PPP4R1: variants seen among roughly 807,000 people sequenced by gnomAD.
The protein encoded by PPP4R1 is serine/threonine-protein phosphatase 4 regulatory subunit 1.
PPP4R1 carries 42 observed loss-of-function variants against 111.2 expected under a neutral mutation model. The observed-to-expected ratio is 0.38, with a 90% CI of 0.29 to 0.49. The LOEUF (loss-of-function observed/expected upper bound fraction) is 0.49, where lower values mean the gene tolerates loss of function less well. Ranked by LOEUF, PPP4R1 falls within the 20% of genes least tolerant of loss-of-function variation. The pLI, the probability that PPP4R1 is intolerant of heterozygous loss-of-function variation, is 0.97. For synonymous variants in PPP4R1, 409 were observed against 405.5 expected (o/e 1.01, Z -0.10); for missense variants, 1,012 against 1,161.6 (o/e 0.87, Z 1.87).
At chr18:9,570,719 T>C in intron 10 of PPP4R1, 36 bp from the exon 11 acceptor site, 1 of 1,495,962 alleles carries the variant, frequency 6.7e-7, no homozygotes, top group African/African-American at 1.4e-5. Flanking sequence ...AAAAACAATA[T>C]GAAAGGATAA....
intron 9 of PPP4R1, among the ~76,000 whole-genome samples, chr18:9,579,693 C>G (rs1275996830): frequency 3.3e-5 from 5 of 152,188 alleles, no homozygotes; most frequent in African/African-American, 1.2e-4. Flanking sequence ...TGAACAAGTA[C>G]AGACTTTTTT....
In PPP4R1 at chr18:9,563,229, A is replaced by C. The variant is rs931170508; in HGVS notation, c.1746+149T>G. 15 of 1,237,552 alleles carry C rather than the reference A, an allele frequency of 1.2e-5. No homozygotes were observed. The African/African-American group carries it at 1.8e-4, about 15-fold the overall frequency. The allele number at this position is 1,237,552 out of a possible 1,614,324, so 76.7% of individuals were successfully genotyped here. Reference sequence around the variant, plus strand: ...ATGTCACGAGGACAGGATGTGATGAAAACAATTACTTTATGCAAAACGAAG... The same window carrying C: ...ATGTCACGAGGACAGGATGTGATGACAACAATTACTTTATGCAAAACGAAG... On this transcript the variant is annotated intron_variant, in intron 12 of 19. Transcript: ENST00000400556.
At chr18:9,598,745 C>T (rs2067331238) in intron 2 of PPP4R1, among the ~76,000 whole-genome samples, 1 of 152,094 alleles carries the variant, frequency 6.6e-6, no homozygotes, top group Non-Finnish European at 1.5e-5. Context: ...TAATATGGGG[C>T]CAGGCACAGT....
chr18:9,549,417 A>G, intron 18 of PPP4R1, 79 bp from the exon 19 acceptor site: 1 of 1,523,580 alleles, frequency 6.6e-7, no homozygotes, highest in Non-Finnish European at 8.9e-7. Context: ...AAAATCTCTG[A>G]GTGACCACAG....
At chr18:9,584,116 G>GA (rs1194046114) in intron 8 of PPP4R1, among the ~76,000 whole-genome samples, 4 of 152,142 alleles carry the variant, frequency 2.6e-5, no homozygotes, top group South Asian at 2.1e-4. Context: ...GATGGCTTCA[G>GA]AAACTCTTTA....
chr18:9,582,982 TCTA>T lies in PPP4R1; in HGVS notation c.918+132_918+134del, dbSNP rs1169290095. The T allele has an allele frequency of 1.6e-5, 14 of 850,258 alleles. No individual in the cohort carries two copies. The East Asian group carries it at 4.5e-4, about 28-fold the overall frequency. 52.7% of individuals were successfully genotyped at this position (850,258 alleles called of 1,614,324 possible). A position where few individuals can be genotyped will look rare whatever the true frequency, so the allele number is the denominator to read the frequency against. ...CACAAACTGTTAATATAGTAGTCTT[TCTA>T]CTGTCTATTCCTAAAAGTATAAAAA... On this transcript the variant is annotated intron_variant, in intron 9 of 19. Transcript: ENST00000400556.
intron 4 of PPP4R1, among the ~76,000 whole-genome samples, 195 bp from the exon 5 acceptor site, chr18:9,589,048 T>C (rs1355008713): frequency 6.6e-6 from 1 of 152,196 alleles, no homozygotes; most frequent in African/African-American, 2.4e-5. Flanking sequence ...GAGGACCTTA[T>C]CTTCAATCCA....
chr18:9,605,566 C>CAAAAAAAA (rs34208690), intron 2 of PPP4R1, among the ~76,000 whole-genome samples: 2 of 67,636 alleles, frequency 3.0e-5, no homozygotes, highest in African/African-American at 1.2e-4. Context: ...GCAGTCCTGT[C>CAAAAAAAA]AAAAAAAAAA....
chr18:9,553,492 A>G (rs1598887857), intron 15 of PPP4R1, 70 bp from the exon 16 acceptor site: 1 of 966,608 alleles, frequency 1.0e-6, no homozygotes, highest in East Asian at 2.5e-5. Context: ...AGAGTGCTTA[A>G]AAACAGACTG....
intron 10 of PPP4R1, among the ~76,000 whole-genome samples, chr18:9,571,782 T>C (rs939202470): frequency 2.0e-5 from 3 of 152,184 alleles, no homozygotes; most frequent in Admixed American, 6.5e-5. Flanking sequence ...GAGGAAATGA[T>C]GGATGACAAG....
At position 9,547,756 on chromosome 18, in the gene PPP4R1, T is replaced by C; in HGVS notation, c.*33A>G. On this transcript the variant is annotated 3_prime_UTR_variant, in exon 20 of 20. Coordinates refer to ENST00000400556, the MANE Select transcript of PPP4R1 (RefSeq NM_001042388.3). The stretch of plus-strand genomic sequence containing the variant: ...AATGCCCACTGAACCTCGGCTCTCA[T>C]GGAAGCAGGAAAGACACCGAGATTC... The C allele has an allele frequency of 6.2e-7, 1 of 1,609,876 alleles. No homozygotes were observed. The highest frequency in any genetic ancestry group is 8.5e-7 in the Non-Finnish European group (1 of 1,177,944).
intron 13 of PPP4R1, 46 bp from the exon 14 acceptor site, chr18:9,559,650 T>C (rs759787027): frequency 7.0e-7 from 1 of 1,421,028 alleles, no homozygotes; most frequent in South Asian, 1.6e-5. Flanking sequence ...CTGAGATGCA[T>C]TTTGAGCAGT....
At chr18:9,577,030 G>A in intron 10 of PPP4R1, 34 bp downstream of exon 10, 3 of 1,465,526 alleles carry the variant, frequency 2.0e-6, no homozygotes, top group Non-Finnish European at 2.8e-6. Flanking sequence ...AGAAAACAAG[G>A]TTTTAAAATT....
rs371742924 is a variant in PPP4R1 at position 9,595,069 on chromosome 18, G to A, written c.137C>T (p.Thr46Met). The change falls in exon 3 of 20, where the codon ACG becomes ATG. Residue 46 changes from threonine (T) to methionine (M), a missense_variant. Around this residue, in one of 2 missense-constraint regions of PPP4R1, gnomAD observed 707 missense variants for 742.1 expected, o/e 0.95. Transcript: ENST00000400556. ...LDFVSQDEMLTPLGRLDKYAA... is the reference protein window; with the variant it reads ...LDFVSQDEMLMPLGRLDKYAA... ...ATACTTGTCCAATCTCCCCAGGGGCGTCAACATTTCATCTTGTGAGACAAA... is the reference window on the plus strand; with the variant it reads ...ATACTTGTCCAATCTCCCCAGGGGCATCAACATTTCATCTTGTGAGACAAA... The A allele has an allele frequency of 2.7e-5, 44 of 1,613,762 alleles. No individual in the cohort carries two copies. Among genetic ancestry groups the A allele is most frequent in the Middle Eastern group, 1.6e-4 (1 of 6,084 alleles).
chr18:9,614,394 C>G lies in PPP4R1; in HGVS notation c.7+84G>C, dbSNP rs1252877987. 9.8e-7 allele frequency: 1 copy of G among 1,017,798 alleles called. No individual in the cohort carries two copies. Among genetic ancestry groups the G allele is most frequent in the Non-Finnish European group, 1.2e-6 (1 of 849,764 alleles). The allele number at this position is 1,017,798 out of a possible 1,614,324, so 63.0% of individuals were successfully genotyped here. ...CCGCGCCGGGACCCCACGCCGGCCC[C>G]GGCCCGGCAGCCACTCAGGGCTGCG... On this transcript the variant is annotated intron_variant, in intron 1 of 19. Coordinates refer to ENST00000400556, the MANE Select transcript of PPP4R1 (RefSeq NM_001042388.3). The surrounding 1 kb of genome is among the most constrained non-coding windows in gnomAD (Gnocchi z 4.1).
At chr18:9,611,877 G>A (rs2067585921) in intron 2 of PPP4R1, among the ~76,000 whole-genome samples, 1 of 152,138 alleles carries the variant, frequency 6.6e-6, no homozygotes, top group Admixed American at 6.5e-5. Context: ...CAGGCGTGGT[G>A]GCACACGCCT....
chr18:9,600,176 A>G (rs1321106241), intron 2 of PPP4R1, among the ~76,000 whole-genome samples: 1 of 145,820 alleles, frequency 6.9e-6, no homozygotes, highest in Non-Finnish European at 1.5e-5. Context: ...CACTGGTGAC[A>G]AATGTTCACT....
chr18:9,614,520 A>AGCC lies in PPP4R1; in HGVS notation c.-39_-37dup, dbSNP rs1485094579. ...CCCCCTCCTCCGCGGCCGCCCGGGG[A>AGCC]GCCGGGGCTACATGGAGCGGCGCGA... On this transcript the variant is annotated 5_prime_UTR_variant, in exon 1 of 20. Coordinates refer to ENST00000400556, the MANE Select transcript of PPP4R1 (RefSeq NM_001042388.3). This position sits in a 1 kb window ranked among gnomAD's most constrained non-coding sequence, Gnocchi z 4.1. The AGCC allele has an allele frequency of 3.0e-5, 30 of 1,012,276 alleles. No homozygotes were observed. Among genetic ancestry groups the AGCC allele is most frequent in the Non-Finnish European group, 3.4e-5 (29 of 849,370 alleles). The allele number at this position is 1,012,276 out of a possible 1,614,324, so 62.7% of individuals were successfully genotyped here.
intron 4 of PPP4R1, among the ~76,000 whole-genome samples, chr18:9,591,845 T>C (rs566360478): frequency 1.3e-5 from 2 of 152,256 alleles, no homozygotes; most frequent in Admixed American, 1.3e-4. Flanking sequence ...GGCAGGTGGA[T>C]CACTTGAGGC....
Sources: allele counts gnomAD v4.1 joint callset (sites outside exome capture counted in the v4.1 genomes callset), GRCh38; gene constraint gnomAD v4.1.1; regional missense constraint gnomAD v4.1.1; non-coding constraint Gnocchi (gnomAD v3.1); transcripts MANE v1.5; gene names NCBI Gene and HGNC (gene_info 2026-07-23, HGNC 2026-07-21).